Variants in B3GAT2 observed in about 807,000 individuals in gnomAD.
B3GAT2 encodes the protein galactosylgalactosylxylosylprotein 3-beta-glucuronosyltransferase 2.
In B3GAT2, 26 loss-of-function variants were observed where a neutral mutation model predicts 27.8. The observed-to-expected ratio is 0.93, with a 90% CI of 0.68 to 1.30. The LOEUF is 1.30. B3GAT2 is among the 50% of genes most tolerant of loss of function. The pLI, the probability that B3GAT2 is intolerant of heterozygous loss-of-function variation, is 0.00. For missense variants in B3GAT2, 458 were observed against 459.0 expected (o/e 1.00, Z 0.02); for synonymous variants, 218 against 195.1 (o/e 1.12, Z -0.98).
At chr6:70,949,277 A>C (rs1765540756) in intron 1 of B3GAT2, among the ~76,000 whole-genome samples, 1 of 152,072 alleles carries the variant, frequency 6.6e-6, no homozygotes, top group Non-Finnish European at 1.5e-5. Flanking sequence ...CAACCTACAA[A>C]ATGGGAGAAT....
chr6:70,902,321 T>A (rs1212724118), intron 1 of B3GAT2, among the ~76,000 whole-genome samples: 1 of 151,332 alleles, frequency 6.6e-6, no homozygotes, highest in Non-Finnish European at 1.5e-5. Flanking sequence ...CTGGAATGAA[T>A]GGACATCCAT....
chr6:70,893,993 C>A, intron 2 of B3GAT2, 135 bp downstream of exon 2: 1 of 951,622 alleles, frequency 1.1e-6, no homozygotes, highest in Admixed American at 3.4e-5. Context: ...TTAAATATTT[C>A]ATCTCCTGAA....
In B3GAT2 at chr6:70,861,074, T is replaced by TA. The variant is rs1268969739; in HGVS notation, c.*588dup. ...ACTTTCAATCTTCAATCCTTGAAGG[T>TA]ATATCTAGGTTTATGACAGTAATTG... is the stretch of plus-strand genomic sequence containing the variant. On this transcript the variant is annotated 3_prime_UTR_variant, in exon 4 of 4. Transcript: ENST00000230053. 5.0e-6 allele frequency: 1 copy of TA among 198,590 alleles called. No homozygotes were observed. Among genetic ancestry groups the TA allele is most frequent in the Non-Finnish European group, 1.0e-5 (1 of 98,520 alleles). 12.3% of individuals were successfully genotyped at this position (198,590 alleles called of 1,614,324 possible).
chr6:70,899,828 T>C (rs774087088), intron 1 of B3GAT2, among the ~76,000 whole-genome samples: 1 of 152,164 alleles, frequency 6.6e-6, no homozygotes, highest in Non-Finnish European at 1.5e-5. Context: ...AGCCCTGTTA[T>C]TTTCTGAGGG....
chr6:70,860,114 GAAAAAATGA>G lies in B3GAT2; in HGVS notation c.*1540_*1548del. 6.9e-7 allele frequency: 1 copy of G among 1,452,368 alleles called. No individual in the cohort carries two copies. The highest frequency in any genetic ancestry group is 1.9e-4 in the Middle Eastern group (1 of 5,400). 90.0% of individuals were successfully genotyped at this position (1,452,368 alleles called of 1,614,324 possible). A position where few individuals can be genotyped will look rare whatever the true frequency, so the allele number is the denominator to read the frequency against. On this transcript the variant is annotated 3_prime_UTR_variant, in exon 4 of 4. Transcript: ENST00000230053. ...TGCTTGGACTAGTTGTCACATTAATGAAAAAATGACCAACTGTGTGGCTAAAGAAACAAG... is the reference window on the plus strand; with the variant it reads ...TGCTTGGACTAGTTGTCACATTAATGCCAACTGTGTGGCTAAAGAAACAAG...
At chr6:70,898,653 G>A (rs751439326) in intron 1 of B3GAT2, among the ~76,000 whole-genome samples, 16 of 152,138 alleles carry the variant, frequency 1.1e-4, no homozygotes, top group Non-Finnish European at 1.8e-4. Context: ...TGCCCAGAAC[G>A]CTAAATATTC....
At position 70,857,830 on chromosome 6, in the gene B3GAT2, T is replaced by G; in HGVS notation, c.*3833A>C. The G allele has an allele frequency of 7.3e-7, 1 of 1,376,526 alleles. No homozygotes were observed. Among genetic ancestry groups the G allele is most frequent in the South Asian group, 1.3e-5 (1 of 74,326 alleles). 85.3% of individuals were successfully genotyped at this position (1,376,526 alleles called of 1,614,324 possible). A position where few individuals can be genotyped will look rare whatever the true frequency, so the allele number is the denominator to read the frequency against. On this transcript the variant is annotated 3_prime_UTR_variant, in exon 4 of 4. Coordinates refer to ENST00000230053, the MANE Select transcript of B3GAT2 (RefSeq NM_080742.3). Reference sequence around the variant, plus strand: ...CTGGAATTAAAATGTTTGCTGTGAGTAGTTCAGAAAGGCAATTTTTCTGTG... The same window carrying G: ...CTGGAATTAAAATGTTTGCTGTGAGGAGTTCAGAAAGGCAATTTTTCTGTG...
intron 1 of B3GAT2, among the ~76,000 whole-genome samples, chr6:70,907,752 C>T (rs553732915): frequency 9.8e-5 from 15 of 152,308 alleles, no homozygotes; most frequent in African/African-American, 2.6e-4. Flanking sequence ...GCTTATAAAG[C>T]GACATATCTG....
In B3GAT2 at chr6:70,939,663, G is replaced by A. The variant is rs545344447; in HGVS notation, c.591+16176C>T. 6.2e-4 allele frequency among the ~76,000 whole-genome samples: 93 copies of A among 150,348 alleles called. 2 individuals carry two copies. The East Asian group carries it at 0.01, about 17-fold the overall frequency. ...ATTGCAAGGACAAAAAACCAACACC[G>A]CATGTTCTCACTCATAGATGGGAAT... On this transcript the variant is annotated intron_variant, in intron 1 of 3. Transcript: ENST00000230053.
Position 70,955,880 on chromosome 6 carries a change from CGAA to C in B3GAT2, c.547_549del (p.Phe183del), listed in dbSNP as rs754177309. The stretch of plus-strand genomic sequence containing the variant: ...AGACTATAGGTGTTGTCGTCGTCAG[CGAA>C]GAAGAGCACGCCGGGCTGCGCGCGC... On this transcript the variant is annotated inframe_deletion, in exon 1 of 4. Transcript: ENST00000230053. The C allele has an allele frequency of 3.1e-6, 5 of 1,605,472 alleles. No homozygotes were observed. The highest frequency in any genetic ancestry group is 3.4e-5 in the Admixed American group (2 of 59,568).
chr6:70,863,380 A>G (rs1428706967), intron 2 of B3GAT2, among the ~76,000 whole-genome samples: 1 of 152,220 alleles, frequency 6.6e-6, no homozygotes, highest in Non-Finnish European at 1.5e-5. Flanking sequence ...GAGAAAAGTT[A>G]ACACTAAGCC....
At chr6:70,926,155 CA>C (rs775655016) in intron 1 of B3GAT2, among the ~76,000 whole-genome samples, 212 of 152,184 alleles carry the variant, frequency 1.4e-3, no homozygotes, top group Middle Eastern at 6.8e-3. Context: ...ACATCCACAC[CA>C]AAACCCCATC....
rs62421561 is a variant in B3GAT2, at chr6:70,944,506, C to A, written c.591+11333G>T. On this transcript the variant is annotated intron_variant, in intron 1 of 3. Coordinates refer to ENST00000230053, the MANE Select transcript of B3GAT2 (RefSeq NM_080742.3). ...CTGCAAGGCGACTGCAAGGCGGCAGCGAGGCTGGGGGAGGGGTGCCCGCAA... is the reference window on the plus strand; with the variant it reads ...CTGCAAGGCGACTGCAAGGCGGCAGAGAGGCTGGGGGAGGGGTGCCCGCAA... 1.4e-3 allele frequency among the ~76,000 whole-genome samples: 212 copies of A among 152,288 alleles called. 1 individual carries two copies. The highest frequency in any genetic ancestry group is 4.9e-3 in the African/African-American group (202 of 41,562).
At chr6:70,890,261 T>TC (rs994218545) in intron 2 of B3GAT2, among the ~76,000 whole-genome samples, 11 of 151,448 alleles carry the variant, frequency 7.3e-5, no homozygotes, top group African/African-American at 1.2e-4. Flanking sequence ...TTTCCCTGGC[T>TC]CCCCCCCTGC....
chr6:70,939,788 A>G (rs1765358382), intron 1 of B3GAT2, among the ~76,000 whole-genome samples: 1 of 152,022 alleles, frequency 6.6e-6, no homozygotes, highest in Admixed American at 6.6e-5. Flanking sequence ...AGATATACCT[A>G]ATGCTAAAAG....
chr6:70,928,468 G>C (rs1024966718), intron 1 of B3GAT2, among the ~76,000 whole-genome samples: 2 of 151,788 alleles, frequency 1.3e-5, no homozygotes, highest in Non-Finnish European at 2.9e-5. Context: ...AAAGAGAGAA[G>C]AATCAAATAG....
chr6:70,925,863 C>A (rs373385934), intron 1 of B3GAT2, among the ~76,000 whole-genome samples: 6 of 152,212 alleles, frequency 3.9e-5, no homozygotes, highest in Admixed American at 6.5e-5. Context: ...GGTCCCTGAC[C>A]CCTGAGTAGC....
intron 1 of B3GAT2, among the ~76,000 whole-genome samples, chr6:70,897,297 TATG>T (rs1312469887): frequency 6.6e-6 from 1 of 152,248 alleles, no homozygotes; most frequent in East Asian, 1.9e-4. Flanking sequence ...AAATCTTTTA[TATG>T]ATGTATAAAT....
At chr6:70,911,275 G>A (rs1772685608) in intron 1 of B3GAT2, among the ~76,000 whole-genome samples, 1 of 151,952 alleles carries the variant, frequency 6.6e-6, no homozygotes, top group Non-Finnish European at 1.5e-5. Context: ...TTTCCTCTAG[G>A]GTTTTATAGT....
Sources: allele counts gnomAD v4.1 joint callset (sites outside exome capture counted in the v4.1 genomes callset), GRCh38; gene constraint gnomAD v4.1.1; transcripts MANE v1.5; gene names NCBI Gene and HGNC (gene_info 2026-07-23, HGNC 2026-07-21).